The following IGF1R variants were observed in gnomAD, a reference collection of about 807,000 sequenced individuals.
The protein encoded by IGF1R is insulin like growth factor 1 receptor.
IGF1R carries 44 observed loss-of-function variants against 144.6 expected under a neutral mutation model. The ratio of observed to expected loss-of-function variants is 0.30; its 90% CI spans 0.24 to 0.39. The LOEUF (loss-of-function observed/expected upper bound fraction) is 0.39, where lower values mean the gene tolerates loss of function less well. Ranked by LOEUF, IGF1R falls within the 10% of genes least tolerant of loss-of-function variation. IGF1R has a pLI of 1.00. For missense variants in IGF1R, 1,355 were observed against 1,833.7 expected, an observed-to-expected ratio of 0.74 and a Z score of 4.77; for synonymous variants, 795 against 722.8, an observed-to-expected ratio of 1.10 and a Z score of -1.60.
At chr15:98,798,146 G>A (rs1283253095) in intron 2 of IGF1R, among the ~76,000 whole-genome samples, 1 of 152,228 alleles carries the variant, frequency 6.6e-6, no homozygotes, top group Non-Finnish European at 1.5e-5. Context: ...CCTCTGTGGA[G>A]CTTTTATTAA....
chr15:98,827,095 A>G (rs2056908152), intron 2 of IGF1R, among the ~76,000 whole-genome samples: 1 of 151,716 alleles, frequency 6.6e-6, no homozygotes, highest in African/African-American at 2.4e-5. Flanking sequence ...TTCTGTTTAG[A>G]GGCTGGTTGG....
intron 2 of IGF1R, among the ~76,000 whole-genome samples, chr15:98,746,393 T>G (rs1400703467): frequency 2.6e-5 from 4 of 152,200 alleles, no homozygotes; most frequent in Non-Finnish European, 5.9e-5. Context: ...GGTTGGTCTC[T>G]TGGATGGCAT....
In IGF1R at chr15:98,935,765, C is replaced by A. The variant is rs528455294; in HGVS notation, c.3297+339C>A. ...CACTCCCTCCCCGAAGCTTTCCTGC[C>A]CCACTCCAGTAGCTATCTTCTCTGC... is the stretch of plus-strand genomic sequence containing the variant. On this transcript the variant is annotated intron_variant, in intron 17 of 20. Coordinates refer to ENST00000650285, the MANE Select transcript of IGF1R (RefSeq NM_000875.5). This position sits in a 1 kb window ranked among gnomAD's most constrained non-coding sequence, Gnocchi z 4.2. Among the ~76,000 whole-genome samples, 1 of 152,144 alleles carries A rather than the reference C, an allele frequency of 6.6e-6. No individual in the cohort carries two copies. The highest frequency in any genetic ancestry group is 2.1e-4 in the South Asian group (1 of 4,806).
chr15:98,799,569 T>G (rs1596313602), intron 2 of IGF1R, among the ~76,000 whole-genome samples: 3 of 152,320 alleles, frequency 2.0e-5, no homozygotes, highest in Admixed American at 2.0e-4. Context: ...CAAGATTCAT[T>G]TGGTATCTCC....
chr15:98,683,495 G>A (rs1334159359), intron 1 of IGF1R, among the ~76,000 whole-genome samples: 1 of 152,206 alleles, frequency 6.6e-6, no homozygotes, highest in African/African-American at 2.4e-5. Context: ...GCCCAGTTGT[G>A]TTACAACTTG....
intron 1 of IGF1R, among the ~76,000 whole-genome samples, chr15:98,666,501 G>A (rs1022590728): frequency 1.3e-5 from 2 of 152,136 alleles, no homozygotes; most frequent in African/African-American, 2.4e-5. Flanking sequence ...ATCCATAGAC[G>A]GGTGGATAAA....
Position 98,957,562 on chromosome 15 carries a change from C to A in IGF1R, c.*120C>A. On this transcript the variant is annotated 3_prime_UTR_variant, in exon 21 of 21. Transcript: ENST00000650285. ...CCTGTACCTCAGTGGATCTTCAGAA[C>A]TGCCCTTGCTGCCCGCGGGAGACAG... 3.2e-6 allele frequency: 4 copies of A among 1,233,482 alleles called. No individual in the cohort carries two copies. The highest frequency in any genetic ancestry group is 1.5e-5 in the African/African-American group (1 of 67,862). 76.4% of individuals were successfully genotyped at this position (1,233,482 alleles called of 1,614,324 possible).
chr15:98,922,538 C>G, intron 11 of IGF1R, 107 bp downstream of exon 11: 2 of 1,327,598 alleles, frequency 1.5e-6, no homozygotes, highest in South Asian at 1.2e-5. Flanking sequence ...ACCCTTAGAC[C>G]CAGGCCTGCC....
intron 20 of IGF1R, among the ~76,000 whole-genome samples, chr15:98,951,136 C>T (rs1445035370): frequency 6.6e-6 from 1 of 152,200 alleles, no homozygotes; most frequent in Non-Finnish European, 1.5e-5. Flanking sequence ...GGAAGGATAC[C>T]AGGGAAAGCC....
chr15:98,920,929 C>A (rs1329089094), intron 10 of IGF1R, among the ~76,000 whole-genome samples: 3 of 152,188 alleles, frequency 2.0e-5, no homozygotes, highest in Non-Finnish European at 4.4e-5. Context: ...CAGAAGCCTG[C>A]CGAGCGTCAG....
chr15:98,924,024 G>C lies in IGF1R; in HGVS notation c.2622+12G>C, dbSNP rs552594492. 10 of 1,613,258 alleles carry C rather than the reference G, an allele frequency of 6.2e-6. No individual in the cohort carries two copies. The East Asian group carries it at 2.0e-4, about 32-fold the overall frequency. On this transcript the variant is annotated intron_variant, in intron 12 of 20. Coordinates refer to ENST00000650285, the MANE Select transcript of IGF1R (RefSeq NM_000875.5). ...GATCACAAGTTGAGGTAGGACTGGG[G>C]CAGTGGCCCGTGCCTGCATGTACTT... is the stretch of plus-strand genomic sequence containing the variant.
chr15:98,851,093 G>T (rs932370398), intron 2 of IGF1R, among the ~76,000 whole-genome samples: 1 of 152,204 alleles, frequency 6.6e-6, no homozygotes, highest in African/African-American at 2.4e-5. Context: ...GGAAGCCGTG[G>T]AGAACAGTGG....
chr15:98,913,165 C>T lies in IGF1R; in HGVS notation c.1711C>T (p.Leu571=), dbSNP rs780586110. 1 of 1,614,230 alleles carries T rather than the reference C, an allele frequency of 6.2e-7. No individual in the cohort carries two copies. Among genetic ancestry groups the T allele is most frequent in the South Asian group, 1.1e-5 (1 of 91,090 alleles). The change falls in exon 8 of 21, where the codon CTG becomes TTG. Residue 571 remains leucine, a synonymous_variant. Coordinates refer to ENST00000650285, the MANE Select transcript of IGF1R (RefSeq NM_000875.5). ...DVEPGILLHG[L]KPWTQYAVYV... ...GGAGCCCGGCATCTTACTACATGGG[C>T]TGAAGCCCTGGACTCAGTACGCCGT...
At position 98,935,629 on chromosome 15, in the gene IGF1R, C is replaced by T. The variant is rs1405966306; in HGVS notation, c.3297+203C>T. The stretch of plus-strand genomic sequence containing the variant: ...ACTCTGATCTTCGTGAGGGGAACTT[C>T]CTGTTCCTTGGATCCCCTCTGCTAA... On this transcript the variant is annotated intron_variant, in intron 17 of 20. Coordinates refer to ENST00000650285, the MANE Select transcript of IGF1R (RefSeq NM_000875.5). This position sits in a 1 kb window ranked among gnomAD's most constrained non-coding sequence, Gnocchi z 4.2. 3.3e-5 allele frequency among the ~76,000 whole-genome samples: 5 copies of T among 152,298 alleles called. No individual in the cohort carries two copies. The highest frequency in any genetic ancestry group is 2.9e-5 in the Non-Finnish European group (2 of 68,030).
At chr15:98,924,440 G>A in intron 12 of IGF1R, 85 bp from the exon 13 acceptor site, 3 of 1,266,488 alleles carry the variant, frequency 2.4e-6, no homozygotes, top group Non-Finnish European at 3.5e-6. Context: ...GGCAGCTGGA[G>A]TCCCCAGTGT....
chr15:98,839,295 C>T (rs1177554483), intron 2 of IGF1R, among the ~76,000 whole-genome samples: 1 of 152,152 alleles, frequency 6.6e-6, no homozygotes. Context: ...AATGGCAGAC[C>T]TGGGGTTTGA....
intron 15 of IGF1R, 46 bp from the exon 16 acceptor site, chr15:98,934,778 T>C (rs778012162): frequency 1.9e-6 from 3 of 1,542,468 alleles, no homozygotes; most frequent in Non-Finnish European, 9.0e-7. Context: ...ACGTTCTGTC[T>C]AAGGGCTTGT....
At chr15:98,777,757 A>T (rs1222261659) in intron 2 of IGF1R, among the ~76,000 whole-genome samples, 1 of 152,214 alleles carries the variant, frequency 6.6e-6, no homozygotes, top group Non-Finnish European at 1.5e-5. Context: ...AACCACACAG[A>T]TGTAAGATGA....
At chr15:98,883,306 G>T (rs1340890837) in intron 2 of IGF1R, among the ~76,000 whole-genome samples, 1 of 152,132 alleles carries the variant, frequency 6.6e-6, no homozygotes, top group African/African-American at 2.4e-5. Flanking sequence ...GCTCAGTGGG[G>T]TTTTTTTCCA....
Sources: allele counts gnomAD v4.1 joint callset (sites outside exome capture counted in the v4.1 genomes callset), GRCh38; gene constraint gnomAD v4.1.1; non-coding constraint Gnocchi (gnomAD v3.1); transcripts MANE v1.5; gene names NCBI Gene and HGNC (gene_info 2026-07-23, HGNC 2026-07-21).